MEI4: variants seen among roughly 807,000 people sequenced by gnomAD.
MEI4 encodes meiotic double-stranded break formation protein 4.
In MEI4, 27 loss-of-function variants were observed where a neutral mutation model predicts 31.4. The observed-to-expected ratio is 0.86, with a 90% CI of 0.63 to 1.19. The LOEUF (loss-of-function observed/expected upper bound fraction) is 1.19. MEI4 is among the 50% of genes most tolerant of loss of function. The probability of loss-of-function intolerance (pLI) is 0.00; values close to 1 mark genes in which losing one functional copy is unlikely to be tolerated. For synonymous variants in MEI4, 122 were observed against 145.4 expected (o/e 0.84, Z 1.16); for missense variants, 329 against 398.9 (o/e 0.82, Z 1.49).
intron 4 of MEI4, among the ~76,000 whole-genome samples, chr6:77,887,486 G>A (rs7775930): frequency 0.39 from 58,745 of 151,448 alleles, 12,344 homozygotes; most frequent in African/African-American, 0.57. Context: ...TAGTAGGGAC[G>A]GGGTTTCACC....
intron 3 of MEI4, among the ~76,000 whole-genome samples, chr6:77,806,498 A>G (rs1208873827): frequency 6.6e-6 from 1 of 152,172 alleles, no homozygotes; most frequent in Non-Finnish European, 1.5e-5. Flanking sequence ...TCACCCTGCC[A>G]AGATTCAGGG....
At chr6:77,797,982 G>T (rs1328401128) in intron 3 of MEI4, among the ~76,000 whole-genome samples, 2 of 152,116 alleles carry the variant, frequency 1.3e-5, no homozygotes. Flanking sequence ...ACAAGCCTAT[G>T]TATGTTCGAA....
At chr6:77,754,280 G>A (rs1767858232) in intron 2 of MEI4, among the ~76,000 whole-genome samples, 1 of 151,876 alleles carries the variant, frequency 6.6e-6, no homozygotes, top group Non-Finnish European at 1.5e-5. Context: ...AATAAGTGAA[G>A]CTCAAAACAA....
At chr6:77,888,503 G>C (rs1047210083) in intron 4 of MEI4, among the ~76,000 whole-genome samples, 2 of 152,044 alleles carry the variant, frequency 1.3e-5, no homozygotes, top group African/African-American at 4.8e-5. Context: ...AAGCAGGACT[G>C]CCTTAAGTGT....
chr6:77,693,578 A>C (rs960173507), intron 2 of MEI4, among the ~76,000 whole-genome samples: 1 of 152,070 alleles, frequency 6.6e-6, no homozygotes, highest in African/African-American at 2.4e-5. Flanking sequence ...AGTTGCAGGT[A>C]CAATGTTTCT....
intron 3 of MEI4, among the ~76,000 whole-genome samples, chr6:77,791,863 A>C (rs1040678680): frequency 6.6e-6 from 1 of 152,096 alleles, no homozygotes; most frequent in African/African-American, 2.4e-5. Flanking sequence ...TTTACAATAG[A>C]TCTATTGAAC....
intron 4 of MEI4, among the ~76,000 whole-genome samples, chr6:77,917,024 G>A (rs952081664): frequency 6.7e-6 from 1 of 148,786 alleles, no homozygotes; most frequent in African/African-American, 2.5e-5. Context: ...TGCGGTGTTT[G>A]GTTTTTTGTT....
At chr6:77,876,762 T>A (rs1771351458) in intron 4 of MEI4, among the ~76,000 whole-genome samples, 2 of 152,114 alleles carry the variant, frequency 1.3e-5, no homozygotes. Flanking sequence ...ATCAATCTGT[T>A]TATTAATTAA....
At chr6:77,822,905 A>G (rs1260515878) in intron 3 of MEI4, among the ~76,000 whole-genome samples, 1 of 152,028 alleles carries the variant, frequency 6.6e-6, no homozygotes, top group African/African-American at 2.4e-5. Flanking sequence ...TACAGGTGTG[A>G]GCCCTAACAT....
At chr6:77,801,150 A>G (rs909974046) in intron 3 of MEI4, among the ~76,000 whole-genome samples, 7 of 152,162 alleles carry the variant, frequency 4.6e-5, no homozygotes, top group African/African-American at 1.7e-4. Context: ...TAAGCTATTA[A>G]TTATTGCCTC....
intron 2 of MEI4, among the ~76,000 whole-genome samples, chr6:77,742,077 C>T (rs1261492144): frequency 6.6e-6 from 1 of 152,056 alleles, no homozygotes; most frequent in Non-Finnish European, 1.5e-5. Flanking sequence ...CCACAATAAA[C>T]ATACGTGTGC....
At chr6:77,651,435 C>T (rs1768297142), upstream of MEI4, among the ~76,000 whole-genome samples, 1 of 152,098 alleles carries the variant, frequency 6.6e-6, no homozygotes, top group Admixed American at 6.5e-5. Flanking sequence ...AGGCAATGTG[C>T]AGTTGTTTAA....
chr6:77,864,425 G>T (rs1316634662), intron 4 of MEI4, among the ~76,000 whole-genome samples: 1 of 152,026 alleles, frequency 6.6e-6, no homozygotes, highest in Admixed American at 6.6e-5. Context: ...GGCAGGGGTT[G>T]CAATCCTAGT....
chr6:77,880,550 C>T (rs941560604), intron 4 of MEI4, among the ~76,000 whole-genome samples: 1 of 152,140 alleles, frequency 6.6e-6, no homozygotes, highest in African/African-American at 2.4e-5. Context: ...GAAAACATTT[C>T]ATCTTTCCCA....
intron 3 of MEI4, among the ~76,000 whole-genome samples, chr6:77,817,677 G>A (rs1233185728): frequency 6.6e-6 from 1 of 151,524 alleles, no homozygotes; most frequent in African/African-American, 2.4e-5. Flanking sequence ...ATATTTATGG[G>A]ATAAAATGTG....
At chr6:77,710,208 G>A (rs145822730) in intron 2 of MEI4, among the ~76,000 whole-genome samples, 67 of 152,144 alleles carry the variant, frequency 4.4e-4, no homozygotes, top group African/African-American at 5.8e-4. Context: ...CCTGGATTCC[G>A]GCAGGCCTGT....
At chr6:77,900,700 A>G (rs760122069) in intron 4 of MEI4, among the ~76,000 whole-genome samples, 1 of 151,990 alleles carries the variant, frequency 6.6e-6, no homozygotes, top group Non-Finnish European at 1.5e-5. Flanking sequence ...TATTTATTTT[A>G]TATATACATA....
At chr6:77,854,336 AC>A (rs1169936935) in intron 4 of MEI4, among the ~76,000 whole-genome samples, 1 of 151,078 alleles carries the variant, frequency 6.6e-6, no homozygotes, top group Admixed American at 6.6e-5. Flanking sequence ...CTTAAAAAAA[AC>A]AAAACCAAAA....
intron 4 of MEI4, among the ~76,000 whole-genome samples, chr6:77,899,730 T>C (rs895990214): frequency 1.3e-5 from 2 of 152,082 alleles, no homozygotes; most frequent in Non-Finnish European, 2.9e-5. Context: ...ATAAATGTTA[T>C]TGCAAATGAC....
Sources: allele counts gnomAD v4.1 joint callset (sites outside exome capture counted in the v4.1 genomes callset), GRCh38; gene constraint gnomAD v4.1.1; transcripts MANE v1.5; gene names NCBI Gene and HGNC (gene_info 2026-07-23, HGNC 2026-07-21).